Variants in SSU72 observed in about 807,000 individuals in gnomAD.
SSU72 encodes the protein SSU72 homolog, RNA polymerase II CTD phosphatase, also known as RNA polymerase II subunit A C-terminal domain phosphatase SSU72.
In SSU72, 12 loss-of-function variants were observed where a neutral mutation model predicts 22.7. The observed-to-expected ratio is 0.53, with a 90% confidence interval of 0.34 to 0.86. The LOEUF (loss-of-function observed/expected upper bound fraction) is 0.86, where lower values mean the gene tolerates loss of function less well. SSU72 is among the 40% of genes least tolerant of loss of function. SSU72 has a pLI of 0.02. For missense variants in SSU72, 151 were observed against 249.8 expected, an observed-to-expected ratio of 0.60 and a Z score of 2.67; for synonymous variants, 116 against 98.3, an observed-to-expected ratio of 1.18 and a Z score of -1.06.
intron 2 of SSU72, among the ~76,000 whole-genome samples, chr1:1,548,918 C>G (rs1642424286): frequency 6.6e-6 from 1 of 152,256 alleles, no homozygotes; most frequent in African/African-American, 2.4e-5. Flanking sequence ...ACAGTGACGT[C>G]TGGAACCCTC....
chr1:1,544,648 A>G (rs1264710673), intron 3 of SSU72: 1 of 617,226 alleles, frequency 1.6e-6, no homozygotes, highest in Non-Finnish European at 2.9e-6. Flanking sequence ...CCAAGGAGAA[A>G]AGAGGCCCCT....
intron 1 of SSU72, among the ~76,000 whole-genome samples, chr1:1,573,943 C>G (rs1642771576): frequency 6.6e-6 from 1 of 151,426 alleles, no homozygotes; most frequent in Admixed American, 6.6e-5. Flanking sequence ...TATAAACTAG[C>G]AGAGCCAAAC....
chr1:1,546,059 C>T (rs1328425477), intron 2 of SSU72: 1 of 152,232 alleles, frequency 6.6e-6, no homozygotes, highest in Non-Finnish European at 1.5e-5. Flanking sequence ...CCACAGTGGC[C>T]ATGCCTGGCC....
chr1:1,563,801 T>G (rs1358367350), intron 2 of SSU72: 1 of 152,252 alleles, frequency 6.6e-6, no homozygotes, highest in Non-Finnish European at 1.5e-5. Flanking sequence ...GCAGTGAGTC[T>G]GCAGTGAGCC....
At chr1:1,565,347 T>A (rs1394449883) in intron 1 of SSU72, among the ~76,000 whole-genome samples, 1 of 152,212 alleles carries the variant, frequency 6.6e-6, no homozygotes, top group Non-Finnish European at 1.5e-5. Flanking sequence ...CACTCCAGCC[T>A]GGGCGACAGG....
chr1:1,564,507 CTA>C (rs1642634140), intron 2 of SSU72: 2 of 1,515,092 alleles, frequency 1.3e-6, no homozygotes, highest in Non-Finnish European at 1.8e-6. Flanking sequence ...CTGGTCTACG[CTA>C]TGTCACGACC....
intron 2 of SSU72, among the ~76,000 whole-genome samples, chr1:1,553,237 G>C (rs1004153795): frequency 1.3e-5 from 2 of 152,082 alleles, no homozygotes; most frequent in African/African-American, 4.8e-5. Context: ...CAGCCGAGAA[G>C]GGTCTCCGGC....
At chr1:1,544,645 G>C in intron 3 of SSU72, 1 of 612,942 alleles carries the variant, frequency 1.6e-6, no homozygotes, top group Non-Finnish European at 2.9e-6. Context: ...ACACCAAGGA[G>C]AAAAGAGGCC....
rs546910670 is a variant in SSU72, at chr1:1,574,795, C to A, written c.-238G>T. 4.3e-6 allele frequency: 1 copy of A among 229,922 alleles called. No individual in the cohort carries two copies. Among genetic ancestry groups the A allele is most frequent in the East Asian group, 1.6e-4 (1 of 6,240 alleles). 14.2% of individuals were successfully genotyped at this position (229,922 alleles called of 1,614,324 possible). On this transcript the variant is annotated 5_prime_UTR_variant, in exon 1 of 5. Transcript: ENST00000291386. ...CTGCACTCGGCGAGGCCGGGGGCGG[C>A]CAACGCCGCGCCGGCCCCCGGCGTC... is the stretch of plus-strand genomic sequence containing the variant.
chr1:1,541,987 G>T lies in SSU72; in HGVS notation c.*79C>A. Reference sequence around the variant, plus strand: ...TGCTACCGTCACCAGCAGAACACCTGTAAGTAAAAACAAATGTCAGGAAGG... The same window carrying T: ...TGCTACCGTCACCAGCAGAACACCTTTAAGTAAAAACAAATGTCAGGAAGG... On this transcript the variant is annotated 3_prime_UTR_variant, in exon 5 of 5. Coordinates refer to ENST00000291386, the MANE Select transcript of SSU72 (RefSeq NM_014188.3). 1.4e-6 allele frequency: 2 copies of T among 1,379,960 alleles called. No homozygotes were observed. Among genetic ancestry groups the T allele is most frequent in the Non-Finnish European group, 2.0e-6 (2 of 993,734 alleles). 85.5% of individuals were successfully genotyped at this position (1,379,960 alleles called of 1,614,324 possible).
At chr1:1,564,389 C>G (rs1026876450) in intron 2 of SSU72, 1 of 1,277,958 alleles carries the variant, frequency 7.8e-7, no homozygotes, top group Non-Finnish European at 1.0e-6. Context: ...GTATCAGGCA[C>G]GCACGCACAC....
chr1:1,543,724 CCCT>C (rs1642354480), intron 4 of SSU72, 142 bp downstream of exon 4: 1 of 586,950 alleles, frequency 1.7e-6, no homozygotes, highest in Non-Finnish European at 2.8e-6. Context: ...TCGGCCACTC[CCCT>C]GTCACGGCCT....
chr1:1,547,943 CAAAG>C (rs1331908250), intron 2 of SSU72, among the ~76,000 whole-genome samples: 3 of 152,230 alleles, frequency 2.0e-5, no homozygotes, highest in Non-Finnish European at 4.4e-5. Flanking sequence ...ATTGAACCCA[CAAAG>C]AAAGAAACCA....
In SSU72 at chr1:1,554,305, C is replaced by T. The variant is rs138844479; in HGVS notation, c.225-9303G>A. Among the ~76,000 whole-genome samples the T allele has an allele frequency of 7.9e-3, 1,119 of 141,512 alleles. 14 individuals are homozygous for T. Among genetic ancestry groups the T allele is most frequent in the African/African-American group, 0.023 (870 of 37,908 alleles). 92.8% of individuals were successfully genotyped at this position (141,512 alleles called of 152,430 possible). On this transcript the variant is annotated intron_variant, in intron 2 of 4. Transcript: ENST00000291386. This position sits in a 1 kb window ranked among gnomAD's most constrained non-coding sequence, Gnocchi z 4.1. ...GAGCACGAGACGGATCCGGACCACT[C>T]GGGGGTCCCCACGAAGCTGAGCATG...
At chr1:1,555,027 C>G (rs1265648672) in intron 2 of SSU72, among the ~76,000 whole-genome samples, 2 of 152,166 alleles carry the variant, frequency 1.3e-5, no homozygotes, top group Non-Finnish European at 2.9e-5. Context: ...CCAGAGCATG[C>G]TAAGTGCTGC....
At position 1,542,581 on chromosome 1, in the gene SSU72, C is replaced by CCCT. The variant is rs1235553541; in HGVS notation, c.484-417_484-415dup. 1.3e-5 allele frequency among the ~76,000 whole-genome samples: 2 copies of CCCT among 152,268 alleles called. No homozygotes were observed. The highest frequency in any genetic ancestry group is 2.9e-5 in the Non-Finnish European group (2 of 68,018). On this transcript the variant is annotated intron_variant, in intron 4 of 4. Coordinates refer to ENST00000291386, the MANE Select transcript of SSU72 (RefSeq NM_014188.3). The surrounding 1 kb of genome is among the most constrained non-coding windows in gnomAD (Gnocchi z 4.4). The stretch of plus-strand genomic sequence containing the variant: ...CATCCTGGCCTCCATCCACCAGAGC[C>CCCT]CCTGGCAGAGGGCCGCTGCCCCAGA...
chr1:1,560,354 C>T (rs1220041509), intron 2 of SSU72, among the ~76,000 whole-genome samples: 2 of 151,906 alleles, frequency 1.3e-5, no homozygotes, highest in Non-Finnish European at 2.9e-5. Flanking sequence ...CTATGCTGCC[C>T]AGGCTGGCCT....
chr1:1,556,751 C>A (rs1642526253), intron 2 of SSU72, among the ~76,000 whole-genome samples: 1 of 152,174 alleles, frequency 6.6e-6, no homozygotes, highest in African/African-American at 2.4e-5. Flanking sequence ...ACTGCAGGCA[C>A]CGTGAAACTA....
rs761899912 is a variant in SSU72, at chr1:1,574,597, CCCACCCTACCG to C, written c.-51_-41del. The C allele has an allele frequency of 9.3e-5, 145 of 1,552,372 alleles. No homozygotes were observed. Among genetic ancestry groups the C allele is most frequent in the Non-Finnish European group, 1.2e-4 (142 of 1,150,552 alleles). ...ATCCCGCGGCTCTCCCGCTTGGGTT[CCCACCCTACCG>C]CGGCGCTTCCGCGCGAACAAAATGG... On this transcript the variant is annotated 5_prime_UTR_variant, in exon 1 of 5. Coordinates refer to ENST00000291386, the MANE Select transcript of SSU72 (RefSeq NM_014188.3).
Sources: gnomAD v4.1 joint callset for allele counts (sites outside exome capture counted in the v4.1 genomes callset) on GRCh38, gnomAD v4.1.1 for gene constraint, Gnocchi (gnomAD v3.1) non-coding constraint, MANE v1.5 for transcripts, NCBI Gene and HGNC (gene_info 2026-07-23, HGNC 2026-07-21) for gene names.